TRAF3: variants seen among roughly 807,000 people sequenced by gnomAD.
TRAF3 encodes the protein TNF receptor-associated factor 3.
A neutral mutation model predicts 62.3 loss-of-function variants in TRAF3; 13 were observed. The ratio of observed to expected loss-of-function variants is 0.21; its 90% CI spans 0.14 to 0.33. The LOEUF is 0.33. Among genes scored for constraint, TRAF3 ranks in the 10% least tolerant of loss-of-function variants. The pLI, the probability that TRAF3 is intolerant of heterozygous loss-of-function variation, is 1.00. For synonymous variants in TRAF3, 269 were observed against 283.4 expected, an observed-to-expected ratio of 0.95 and a Z score of 0.51; for missense variants, 440 against 741.8, an observed-to-expected ratio of 0.59 and a Z score of 4.73.
intron 2 of TRAF3, among the ~76,000 whole-genome samples, chr14:102,834,687 CAAA>C (rs35056615): frequency 3.7e-5 from 2 of 54,284 alleles, no homozygotes; most frequent in Admixed American, 2.2e-4. Context: ...GACTCCGTCT[CAAA>C]AAAAAAAAAA....
At chr14:102,844,518 A>C (rs750543068) in intron 2 of TRAF3, among the ~76,000 whole-genome samples, 1 of 152,182 alleles carries the variant, frequency 6.6e-6, no homozygotes, top group African/African-American at 2.4e-5. Context: ...GATGCTCTGA[A>C]TGACCAGGTG....
At position 102,905,842 on chromosome 14, in the gene TRAF3, G is replaced by C; in HGVS notation, c.*58G>C. 6.6e-7 allele frequency: 1 copy of C among 1,506,318 alleles called. No individual in the cohort carries two copies. Among genetic ancestry groups the C allele is most frequent in the African/African-American group, 1.4e-5 (1 of 72,026 alleles). 93.3% of individuals were successfully genotyped at this position (1,506,318 alleles called of 1,614,324 possible). The stretch of plus-strand genomic sequence containing the variant: ...CAACTCCTCTGGGGGATTTGAACCG[G>C]TCTGTCTTCACTGAGGTCCTCGCGC... On this transcript the variant is annotated 3_prime_UTR_variant, in exon 12 of 12. Transcript: ENST00000392745.
At chr14:102,812,181 A>G (rs1433923733) in intron 1 of TRAF3, among the ~76,000 whole-genome samples, 1 of 151,796 alleles carries the variant, frequency 6.6e-6, no homozygotes, top group Non-Finnish European at 1.5e-5. Flanking sequence ...AACCTCTAGT[A>G]TCCTGTGTTT....
At chr14:102,890,707 C>G (rs566544096) in intron 8 of TRAF3, among the ~76,000 whole-genome samples, 2 of 152,238 alleles carry the variant, frequency 1.3e-5, no homozygotes, top group South Asian at 4.2e-4. Flanking sequence ...ATTTCATGTG[C>G]TTATTCCTGA....
Position 102,870,385 on chromosome 14 carries a change from A to T in TRAF3, c.184A>T (p.Ser62Cys). ...TGAGAAGTGCCACCTGGTGCTGTGC[A>T]GCCCGAAGCAGACCGAGTGTGGGCA... Reference protein sequence around the residue: ...KCEKCHLVLCSPKQTECGHRF... With the variant: ...KCEKCHLVLCCPKQTECGHRF... The change falls in exon 3 of 12, where the codon AGC becomes TGC. Residue 62 changes from serine (S) to cysteine (C), a missense_variant. By Grantham distance (112) the Ser-to-Cys change is moderately radical. This residue lies in a region of TRAF3 where 255 missense variants were observed against 424.1 expected (regional missense o/e 0.60). Transcript: ENST00000392745. 6.2e-7 allele frequency: 1 copy of T among 1,614,182 alleles called. No homozygotes were observed. The highest frequency in any genetic ancestry group is 1.1e-5 in the South Asian group (1 of 91,084).
In TRAF3 at chr14:102,854,977, CCAT is replaced by C. The variant is rs201082700; in HGVS notation, c.-17-15207_-17-15205del. ...TCGTTCCCAAAAGGAAACCCCATAC[CCAT>C]AAGCAGTGAGTCCCCATTATGCCTC... On this transcript the variant is annotated intron_variant, in intron 2 of 11. Coordinates refer to ENST00000392745, the MANE Select transcript of TRAF3 (RefSeq NM_145725.3). 1.3e-3 allele frequency among the ~76,000 whole-genome samples: 199 copies of C among 152,260 alleles called. 3 individuals carry two copies. In the East Asian group the frequency reaches 0.027, roughly 21 times the overall value.
intron 10 of TRAF3, among the ~76,000 whole-genome samples, chr14:102,898,395 C>G (rs1890108849): frequency 6.6e-6 from 1 of 152,236 alleles, no homozygotes; most frequent in Non-Finnish European, 1.5e-5. Flanking sequence ...AACACCAAGC[C>G]TCCCGCTGGA....
intron 1 of TRAF3, among the ~76,000 whole-genome samples, chr14:102,811,921 T>C (rs1300765258): frequency 2.0e-5 from 2 of 102,418 alleles, no homozygotes; most frequent in Admixed American, 9.8e-5. Context: ...CCCTTTTTTT[T>C]TTTTTTTTTT....
chr14:102,852,197 G>T (rs917658606), intron 2 of TRAF3, among the ~76,000 whole-genome samples: 7 of 151,976 alleles, frequency 4.6e-5, no homozygotes, highest in African/African-American at 1.7e-4. Flanking sequence ...CAACCTCCTG[G>T]GCTCAAGTGA....
chr14:102,853,826 A>G (rs1022816382), intron 2 of TRAF3, among the ~76,000 whole-genome samples: 13 of 144,924 alleles, frequency 9.0e-5, no homozygotes, highest in Non-Finnish European at 1.8e-4. Context: ...CGACAGAGGC[A>G]AGACTCCGTC....
chr14:102,852,005 T>C (rs1887071850), intron 2 of TRAF3, among the ~76,000 whole-genome samples: 1 of 144,048 alleles, frequency 6.9e-6, no homozygotes. Context: ...CCGTGAGCCA[T>C]GTTTGCACCA....
chr14:102,819,306 T>C (rs575451855), intron 1 of TRAF3, among the ~76,000 whole-genome samples: 3 of 152,236 alleles, frequency 2.0e-5, no homozygotes, highest in African/African-American at 7.2e-5. Flanking sequence ...TTCCTGAGTG[T>C]TACATCAGCA....
At chr14:102,829,165 G>T (rs1900508319) in intron 1 of TRAF3, among the ~76,000 whole-genome samples, 1 of 152,176 alleles carries the variant, frequency 6.6e-6, no homozygotes, top group South Asian at 2.1e-4. Flanking sequence ...TGCATTATGG[G>T]TGGTAATTTA....
chr14:102,903,103 G>T lies in TRAF3; in HGVS notation c.961-152G>T. 1 of 1,021,616 alleles carries T rather than the reference G, an allele frequency of 9.8e-7. No homozygotes were observed. The highest frequency in any genetic ancestry group is 1.3e-5 in the South Asian group (1 of 74,886). The allele number at this position is 1,021,616 out of a possible 1,614,324, so 63.3% of individuals were successfully genotyped here. ...GAGCTCCCAGGAGGCCTGATGCAGA[G>T]CCCCACTCCTGGAGTCAGAGCCGCG... On this transcript the variant is annotated intron_variant, in intron 10 of 11. Coordinates refer to ENST00000392745, the MANE Select transcript of TRAF3 (RefSeq NM_145725.3). This position sits in a 1 kb window ranked among gnomAD's most constrained non-coding sequence, Gnocchi z 6.4.
chr14:102,778,569 TGTGATGC>T (rs1566731309), intron 1 of TRAF3, among the ~76,000 whole-genome samples: 2 of 151,080 alleles, frequency 1.3e-5, no homozygotes, highest in Non-Finnish European at 1.5e-5. Flanking sequence ...CAGAATGACA[TGTGATGC>T]GTGGTGCGTG....
chr14:102,790,555 G>A (rs1897736261), intron 1 of TRAF3, among the ~76,000 whole-genome samples: 1 of 152,184 alleles, frequency 6.6e-6, no homozygotes, highest in Non-Finnish European at 1.5e-5. Flanking sequence ...GTCTCACATG[G>A]CAGCAGGCAA....
chr14:102,895,667 T>C (rs915327222), intron 9 of TRAF3, among the ~76,000 whole-genome samples: 1 of 152,226 alleles, frequency 6.6e-6, no homozygotes, highest in African/African-American at 2.4e-5. Flanking sequence ...GGGATCAAGA[T>C]GCCCTTTGTA....
At chr14:102,897,236 A>G in intron 9 of TRAF3, 25 bp from the exon 10 acceptor site, 2 of 1,598,940 alleles carry the variant, frequency 1.3e-6, no homozygotes, top group Non-Finnish European at 1.7e-6. Flanking sequence ...TTTTGGTTAC[A>G]TTAATTAAAG....
chr14:102,780,327 G>GA lies in TRAF3; in HGVS notation c.-157+2662dup, dbSNP rs77846227. ...AGAAAATGCAGTTTTAAATAGAAAA[G>GA]AAAAAAAAAACCGAGAAAATGTTAT... On this transcript the variant is annotated intron_variant, in intron 1 of 11. Transcript: ENST00000392745. 6.7e-3 allele frequency among the ~76,000 whole-genome samples: 977 copies of GA among 145,808 alleles called. 13 individuals carry two copies. The highest frequency in any genetic ancestry group is 0.023 in the African/African-American group (916 of 39,748).
Sources: allele counts gnomAD v4.1 joint callset (sites outside exome capture counted in the v4.1 genomes callset), GRCh38; gene constraint gnomAD v4.1.1; regional missense constraint gnomAD v4.1.1; non-coding constraint Gnocchi (gnomAD v3.1); transcripts MANE v1.5; gene names NCBI Gene and HGNC (gene_info 2026-07-23, HGNC 2026-07-21).